ZNF136: variants seen among roughly 807,000 people sequenced by gnomAD.
The protein encoded by ZNF136 is zinc finger protein 136.
In ZNF136, 8 loss-of-function variants were observed where a neutral mutation model predicts 11.4. The ratio of observed to expected loss-of-function variants is 0.70; its 90% CI spans 0.41 to 1.27. The LOEUF (loss-of-function observed/expected upper bound fraction) is 1.27, where lower values mean the gene tolerates loss of function less well. ZNF136 is among the 50% of genes most tolerant of loss of function. The pLI is 0.01. For missense variants in ZNF136, 590 were observed against 656.5 expected, an observed-to-expected ratio of 0.90 and a Z score of 1.11; for synonymous variants, 190 against 207.1, an observed-to-expected ratio of 0.92 and a Z score of 0.71.
intron 1 of ZNF136, among the ~76,000 whole-genome samples, chr19:12,173,135 T>C (rs1053773109): frequency 1.6e-4 from 25 of 152,020 alleles, no homozygotes; most frequent in African/African-American, 5.6e-4. Context: ...AGAGAGGGAA[T>C]TGTGGGCCAA....
At chr19:12,181,809 G>T (rs1914950132) in intron 1 of ZNF136, among the ~76,000 whole-genome samples, 1 of 152,094 alleles carries the variant, frequency 6.6e-6, no homozygotes, top group Non-Finnish European at 1.5e-5. Context: ...TAATTTCTTT[G>T]TATTTTTAGT....
At chr19:12,171,587 C>T (rs373074316) in intron 1 of ZNF136, among the ~76,000 whole-genome samples, 3 of 151,864 alleles carry the variant, frequency 2.0e-5, no homozygotes, top group East Asian at 1.9e-4. Flanking sequence ...TTTTAACTTA[C>T]TCTGTAGGCT....
chr19:12,179,632 G>A (rs111279059), intron 1 of ZNF136, among the ~76,000 whole-genome samples: 5,512 of 152,092 alleles, frequency 0.036, 143 homozygotes, highest in Middle Eastern at 0.068. Flanking sequence ...CTTCTAGGAC[G>A]TGTGCTTGCT....
chr19:12,172,380 A>G lies in ZNF136; in HGVS notation c.3+9174A>G, dbSNP rs186607671. On this transcript the variant is annotated intron_variant, in intron 1 of 3. Transcript: ENST00000343979. Reference sequence around the variant, plus strand: ...GAGGATATTTAAAATGTGCCTTTCAAGGGATATTTCTTCATTCTGTTGGAG... The same window carrying G: ...GAGGATATTTAAAATGTGCCTTTCAGGGGATATTTCTTCATTCTGTTGGAG... 4.2e-3 allele frequency among the ~76,000 whole-genome samples: 634 copies of G among 152,212 alleles called. 3 individuals carry two copies. The highest frequency in any genetic ancestry group is 0.014 in the African/African-American group (601 of 41,516).
At chr19:12,163,263 G>C in intron 1 of ZNF136, 57 bp downstream of exon 1, 2 of 1,349,098 alleles carry the variant, frequency 1.5e-6, no homozygotes, top group East Asian at 5.6e-5. Flanking sequence ...TTGGACGACC[G>C]GAACTGGCTG....
intron 1 of ZNF136, among the ~76,000 whole-genome samples, chr19:12,173,994 C>T (rs1017462304): frequency 8.5e-5 from 13 of 152,140 alleles, no homozygotes. Context: ...CAACCTCTGC[C>T]TCTCGGGTTC....
At chr19:12,174,184 C>T (rs994135985) in intron 1 of ZNF136, among the ~76,000 whole-genome samples, 3 of 152,200 alleles carry the variant, frequency 2.0e-5, no homozygotes, top group African/African-American at 7.2e-5. Flanking sequence ...AGATTACAGG[C>T]GTGAGCCACC....
Position 12,185,919 on chromosome 19 carries a change from T to C in ZNF136, c.130+8T>C, listed in dbSNP as rs746835892. 1 of 1,613,010 alleles carries C rather than the reference T, an allele frequency of 6.2e-7. No individual in the cohort carries two copies. The highest frequency in any genetic ancestry group is 1.7e-5 in the Admixed American group (1 of 59,528). The stretch of plus-strand genomic sequence containing the variant: ...GGAATCTGGCCTCTATAGGTAAGGA[T>C]TGTATACTTCCATCACTTAGCAATT... On this transcript the variant is annotated splice_region_variant and intron_variant, in intron 2 of 3. Coordinates refer to ENST00000343979, the MANE Select transcript of ZNF136 (RefSeq NM_003437.5).
chr19:12,183,834 TCAAA>T (rs1175678690), intron 1 of ZNF136, among the ~76,000 whole-genome samples: 1 of 152,172 alleles, frequency 6.6e-6, no homozygotes, highest in Middle Eastern at 3.2e-3. Flanking sequence ...ATTCCTGGGC[TCAAA>T]CAATCCTTCT....
intron 1 of ZNF136, chr19:12,185,132 A>G (rs1915050180): frequency 6.6e-6 from 1 of 152,262 alleles, no homozygotes; most frequent in African/African-American, 2.4e-5. Context: ...ACTTTCAATT[A>G]TATGCAAATT....
At chr19:12,173,376 C>T (rs529899857) in intron 1 of ZNF136, among the ~76,000 whole-genome samples, 11 of 152,168 alleles carry the variant, frequency 7.2e-5, no homozygotes, top group African/African-American at 2.7e-4. Flanking sequence ...TATAAAACGC[C>T]ATGCTTTTAT....
At chr19:12,184,469 G>A (rs908264987) in intron 1 of ZNF136, 1 of 151,112 alleles carries the variant, frequency 6.6e-6, no homozygotes, top group African/African-American at 2.4e-5. Context: ...GCTGAGGCAG[G>A]AGAATGGCAT....
rs1262815861 is a variant in ZNF136 at position 12,186,861 on chromosome 19, T to C, written c.483T>C (p.Ile161=). 3.1e-6 allele frequency: 5 copies of C among 1,614,140 alleles called. No homozygotes were observed. Among genetic ancestry groups the C allele is most frequent in the Middle Eastern group, 3.3e-4 (2 of 6,062 alleles). Residue 161 remains isoleucine, a synonymous_variant, in exon 4 of 4, where the codon ATT becomes ATC. Coordinates refer to ENST00000343979, the MANE Select transcript of ZNF136 (RefSeq NM_003437.5). Reference sequence around the variant, plus strand: ...ACTCCTTTCGAACACATGAGATAATTCACACTGGAGAGAAACTCTATGATT... The same window carrying C: ...ACTCCTTTCGAACACATGAGATAATCCACACTGGAGAGAAACTCTATGATT... ...SHHSFRTHEI[I]HTGEKLYDCK...
chr19:12,168,057 C>CTTTTTTTTTTTTTTTTTT lies in ZNF136; in HGVS notation c.3+4864_3+4881dup, dbSNP rs386388563. Reference sequence around the variant, plus strand: ...GCCCATTTTTTTTTCTTTTCTTTTTCTTTTTTTTTTTTTTTTTTTTTTTTT... The same window carrying CTTTTTTTTTTTTTTTTTT: ...GCCCATTTTTTTTTCTTTTCTTTTTCTTTTTTTTTTTTTTTTTTTTTTTTTTTTTTTTTTTTTTTTTTT... On this transcript the variant is annotated intron_variant, in intron 1 of 3. Coordinates refer to ENST00000343979, the MANE Select transcript of ZNF136 (RefSeq NM_003437.5). 6.3e-4 allele frequency among the ~76,000 whole-genome samples: 45 copies of CTTTTTTTTTTTTTTTTTT among 71,106 alleles called. 9 individuals carry two copies. Among genetic ancestry groups the CTTTTTTTTTTTTTTTTTT allele is most frequent in the African/African-American group, 1.4e-3 (24 of 17,238 alleles). 46.6% of individuals were successfully genotyped at this position (71,106 alleles called of 152,430 possible). A position where few individuals can be genotyped will look rare whatever the true frequency, so the allele number is the denominator to read the frequency against.
intron 1 of ZNF136, among the ~76,000 whole-genome samples, chr19:12,174,701 T>C (rs1004835601): frequency 2.0e-5 from 3 of 152,010 alleles, no homozygotes; most frequent in Admixed American, 6.6e-5. Flanking sequence ...AGTGGCACCA[T>C]CTCGGCTCAC....
intron 1 of ZNF136, among the ~76,000 whole-genome samples, chr19:12,181,558 C>T (rs564602959): frequency 1.3e-4 from 19 of 151,830 alleles, no homozygotes; most frequent in South Asian, 8.3e-4. Flanking sequence ...CTGCAATGTC[C>T]GCCTCCTGGA....
Position 12,181,648 on chromosome 19 carries a change from G to T in ZNF136, c.4-4137G>T, listed in dbSNP as rs963818819. Among the ~76,000 whole-genome samples the T allele has an allele frequency of 8.7e-5, 13 of 149,940 alleles. No individual in the cohort carries two copies. In the South Asian group the frequency reaches 2.3e-3, roughly 27 times the overall value. On this transcript the variant is annotated intron_variant, in intron 1 of 3. Transcript: ENST00000343979. Reference sequence around the variant, plus strand: ...CCACCACGCCCAGCTAATTTTTTTTGGGGGGGGACAGAGCCTCACTGAGTC... The same window carrying T: ...CCACCACGCCCAGCTAATTTTTTTTTGGGGGGGACAGAGCCTCACTGAGTC...
chr19:12,175,570 C>T (rs1292448439), intron 1 of ZNF136, among the ~76,000 whole-genome samples: 4 of 152,162 alleles, frequency 2.6e-5, no homozygotes, highest in Non-Finnish European at 2.9e-5. Flanking sequence ...CTTATGCCCC[C>T]TATTCCCACT....
chr19:12,183,882 G>A (rs1235874909), intron 1 of ZNF136, among the ~76,000 whole-genome samples: 1 of 152,206 alleles, frequency 6.6e-6, no homozygotes, highest in Non-Finnish European at 1.5e-5. Context: ...AATTACAGGT[G>A]TGAGCCAGTT....
Sources: gnomAD v4.1 joint callset for allele counts (sites outside exome capture counted in the v4.1 genomes callset) on GRCh38, gnomAD v4.1.1 for gene constraint, MANE v1.5 for transcripts, NCBI Gene and HGNC (gene_info 2026-07-23, HGNC 2026-07-21) for gene names.